EFR3A: variants seen among roughly 807,000 people sequenced by gnomAD.
The protein encoded by EFR3A is EFR3 homolog A.
Under a neutral mutation model 104.4 loss-of-function variants are expected in EFR3A, and 76 were observed. That is an observed-to-expected ratio of 0.73 (90% CI 0.60 to 0.88). The LOEUF is 0.88. Among genes scored for constraint, EFR3A ranks in the 40% least tolerant of loss-of-function variants. The pLI, the probability that EFR3A is intolerant of heterozygous loss-of-function variation, is 0.00. For synonymous variants in EFR3A, 330 were observed against 330.0 expected (o/e 1.00, Z 0.00); for missense variants, 985 against 1,012.5 (o/e 0.97, Z 0.37).
At chr8:131,919,618 A>T (rs929689875) in intron 1 of EFR3A, among the ~76,000 whole-genome samples, 1 of 150,550 alleles carries the variant, frequency 6.6e-6, no homozygotes, top group Non-Finnish European at 1.5e-5. Context: ...AAAAAAAAAA[A>T]TTTACCTGTT....
At chr8:131,960,896 T>C (rs1394991331) in intron 8 of EFR3A, among the ~76,000 whole-genome samples, 2 of 152,226 alleles carry the variant, frequency 1.3e-5, no homozygotes, top group Non-Finnish European at 2.9e-5. Context: ...CAACATTTGC[T>C]GTTCACCTGT....
intron 1 of EFR3A, among the ~76,000 whole-genome samples, chr8:131,933,649 T>A (rs1367597268): frequency 1.3e-5 from 2 of 152,106 alleles, no homozygotes; most frequent in Non-Finnish European, 2.9e-5. Flanking sequence ...TATGATAATA[T>A]ACAGTAAAGT....
intron 19 of EFR3A, among the ~76,000 whole-genome samples, chr8:132,000,336 G>A (rs1356310720): frequency 6.6e-6 from 1 of 152,064 alleles, no homozygotes; most frequent in East Asian, 1.9e-4. Context: ...CACCATGTTT[G>A]CCAGGATGGT....
At position 132,003,269 on chromosome 8, in the gene EFR3A, T is replaced by C. The variant is rs761169778; in HGVS notation, c.2344T>C (p.Leu782=). The change falls in exon 22 of 23, where the codon TTG becomes CTG. Residue 782 remains leucine, a synonymous_variant. Transcript: ENST00000254624. ...GCTTCATGATAGACTTGCCCAAATA[T>C]TGGAACTCACCATACGGTAAGGGTT... ...NLLHDRLAQI[L]ELTIRPPPSP... is the part of the protein sequence containing the mutation. 29 of 1,612,596 alleles carry C rather than the reference T, an allele frequency of 1.8e-5. No homozygotes were observed. The highest frequency in any genetic ancestry group is 3.3e-5 in the Admixed American group (2 of 59,944).
intron 1 of EFR3A, among the ~76,000 whole-genome samples, chr8:131,934,771 T>C (rs1331051775): frequency 6.6e-6 from 1 of 152,114 alleles, no homozygotes; most frequent in African/African-American, 2.4e-5. Context: ...CACAGACATA[T>C]TTAGCTTTAC....
At chr8:131,922,789 T>A (rs1586539211) in intron 1 of EFR3A, among the ~76,000 whole-genome samples, 1 of 152,288 alleles carries the variant, frequency 6.6e-6, no homozygotes, top group East Asian at 1.9e-4. Context: ...TCTTTGTCCT[T>A]CTGTTTCAGC....
At chr8:131,957,857 T>C (rs1397129181) in intron 7 of EFR3A, among the ~76,000 whole-genome samples, 1 of 152,184 alleles carries the variant, frequency 6.6e-6, no homozygotes, top group Admixed American at 6.5e-5. Context: ...GACACTGATA[T>C]TGTTGGCTGG....
chr8:131,982,169 T>A (rs190725103), intron 14 of EFR3A, among the ~76,000 whole-genome samples: 1 of 152,114 alleles, frequency 6.6e-6, no homozygotes, highest in Non-Finnish European at 1.5e-5. Context: ...ATTGACTCTT[T>A]CAAATTTTTT....
At chr8:131,908,168 C>T (rs758277748) in intron 1 of EFR3A, among the ~76,000 whole-genome samples, 1 of 151,786 alleles carries the variant, frequency 6.6e-6, no homozygotes, top group African/African-American at 2.4e-5. Flanking sequence ...TCAAGCAGTT[C>T]TCCTGTCTCA....
At position 131,946,605 on chromosome 8, in the gene EFR3A, C is replaced by A. The variant is rs747042864; in HGVS notation, c.338C>A (p.Pro113Gln). Residue 113 changes from proline to glutamine, a missense_variant, in exon 4 of 23, where the codon CCA (proline) becomes CAA (glutamine). Transcript: ENST00000254624. ...MVAKLLESGE[P>Q]KLQVLGTNSF... ...GCAAAGCTGCTGGAATCGGGGGAAC[C>A]AAAGCTTCAAGTTCTTGGAACAAAT... 5 of 1,603,254 alleles carry A rather than the reference C, an allele frequency of 3.1e-6. No individual in the cohort carries two copies. Among genetic ancestry groups the A allele is most frequent in the African/African-American group, 1.3e-5 (1 of 74,348 alleles).
intron 22 of EFR3A, 146 bp from the exon 23 acceptor site, chr8:132,010,644 C>A: frequency 1.1e-6 from 1 of 933,666 alleles, no homozygotes; most frequent in Non-Finnish European, 1.6e-6. Flanking sequence ...CCCATGCAGC[C>A]TTGTAGCTGG....
chr8:132,003,719 T>C (rs1423332164), intron 22 of EFR3A, among the ~76,000 whole-genome samples: 1 of 152,202 alleles, frequency 6.6e-6, no homozygotes, highest in Non-Finnish European at 1.5e-5. Flanking sequence ...TCATTTGAAT[T>C]ATTGAACTTT....
intron 4 of EFR3A, among the ~76,000 whole-genome samples, chr8:131,948,643 A>G (rs529748625): frequency 6.6e-6 from 1 of 152,208 alleles, no homozygotes; most frequent in East Asian, 1.9e-4. Context: ...TTTAGTATAC[A>G]TTTCCGGAAA....
In EFR3A at chr8:131,924,439, A is replaced by G. The variant is rs1366897192; in HGVS notation, c.11-16060A>G. The stretch of plus-strand genomic sequence containing the variant: ...ACAGTGCTTACAGAGTCCAGGCTTA[A>G]CATCCATATATATGTACAAGGTTGT... On this transcript the variant is annotated intron_variant, in intron 1 of 22. Coordinates refer to ENST00000254624, the MANE Select transcript of EFR3A (RefSeq NM_015137.6). Among the ~76,000 whole-genome samples, 5 of 152,132 alleles carry G rather than the reference A, an allele frequency of 3.3e-5. No homozygotes were observed. The East Asian group carries it at 9.6e-4, about 29-fold the overall frequency.
intron 1 of EFR3A, among the ~76,000 whole-genome samples, chr8:131,932,811 A>G (rs1025275647): frequency 3.3e-5 from 5 of 152,032 alleles, no homozygotes; most frequent in Admixed American, 3.3e-4. Context: ...TTTTAGCAGG[A>G]CTCTTAGAAC....
At chr8:131,908,011 A>G (rs1816335116) in intron 1 of EFR3A, among the ~76,000 whole-genome samples, 1 of 151,656 alleles carries the variant, frequency 6.6e-6, no homozygotes, top group African/African-American at 2.4e-5. Context: ...ATGATTATGT[A>G]GGTGGTAGGA....
chr8:132,008,512 G>A (rs1822155744), intron 22 of EFR3A, among the ~76,000 whole-genome samples: 1 of 151,616 alleles, frequency 6.6e-6, no homozygotes, highest in Admixed American at 6.6e-5. Flanking sequence ...ACAATTTTTG[G>A]GGTAAATCTG....
chr8:131,906,108 G>A (rs1341481404), intron 1 of EFR3A, among the ~76,000 whole-genome samples: 1 of 152,162 alleles, frequency 6.6e-6, no homozygotes, highest in Non-Finnish European at 1.5e-5. Flanking sequence ...ATGTGCTGTG[G>A]ATTGATTGGG....
chr8:131,977,568 A>C (rs1371254041), intron 12 of EFR3A, among the ~76,000 whole-genome samples: 1 of 152,234 alleles, frequency 6.6e-6, no homozygotes, highest in Non-Finnish European at 1.5e-5. Context: ...GAAAAGGAAA[A>C]GTATACCCAG....
Sources: allele counts gnomAD v4.1 joint callset (sites outside exome capture counted in the v4.1 genomes callset), GRCh38; gene constraint gnomAD v4.1.1; transcripts MANE v1.5; gene names NCBI Gene and HGNC (gene_info 2026-07-23, HGNC 2026-07-21).